The following RANBP2 variants were observed in gnomAD, a reference collection of about 807,000 sequenced individuals.
RANBP2 encodes the protein RAN binding protein 2, also known as E3 SUMO-protein ligase RanBP2.
A neutral mutation model predicts 303.6 loss-of-function variants in RANBP2; 57 were observed. The observed-to-expected ratio is 0.19, with a 90% CI of 0.15 to 0.23. The LOEUF is 0.23. Ranked by LOEUF, RANBP2 falls within the 10% of genes least tolerant of loss-of-function variation. The pLI is 1.00. For synonymous variants in RANBP2, 1,167 were observed against 1,301.5 expected, an observed-to-expected ratio of 0.90 and a Z score of 2.23; for missense variants, 3,138 against 3,780.8, an observed-to-expected ratio of 0.83 and a Z score of 4.46.
chr2:109,249,463 CTT>C, the RANBP2 span, among the ~76,000 whole-genome samples: 1 of 135,478 alleles, frequency 7.4e-6, no homozygotes, highest in South Asian at 2.5e-4. Flanking sequence ...CTCTTTCTCT[CTT>C]TCTCTTTCTT....
At chr2:109,767,316 A>G in the RANBP2 span, among the ~76,000 whole-genome samples, 1 of 149,850 alleles carries the variant, frequency 6.7e-6, no homozygotes, top group African/African-American at 2.4e-5. Flanking sequence ...AGAGGTTGGT[A>G]GCTTTTCTTA....
chr2:109,566,291 T>C, the RANBP2 span, among the ~76,000 whole-genome samples: 1 of 151,958 alleles, frequency 6.6e-6, no homozygotes, highest in African/African-American at 2.4e-5. Context: ...CAGCTAATTT[T>C]TGCATTTTTA....
At chr2:109,641,216 G>A in the RANBP2 span, among the ~76,000 whole-genome samples, 1 of 152,206 alleles carries the variant, frequency 6.6e-6, no homozygotes, top group Non-Finnish European at 1.5e-5. Flanking sequence ...TTGGCTCACT[G>A]CAACCTCTGT....
At chr2:109,112,077 G>A in the RANBP2 span, among the ~76,000 whole-genome samples, 2 of 151,808 alleles carry the variant, frequency 1.3e-5, no homozygotes, top group African/African-American at 2.4e-5. Context: ...ATTGTGAATA[G>A]TGCCGCAATA....
At chr2:108,736,657 C>G (rs1326734811) in intron 6 of RANBP2, among the ~76,000 whole-genome samples, 1 of 152,190 alleles carries the variant, frequency 6.6e-6, no homozygotes, top group Admixed American at 6.5e-5. Context: ...CTTAGCATCA[C>G]TGGTATTTCA....
chr2:109,140,271 A>T, the RANBP2 span, among the ~76,000 whole-genome samples: 1 of 152,202 alleles, frequency 6.6e-6, no homozygotes, highest in Admixed American at 6.5e-5. Flanking sequence ...GATCAGCTGC[A>T]TCCAGCCATG....
the RANBP2 span, among the ~76,000 whole-genome samples, chr2:109,724,648 G>T: frequency 6.6e-6 from 1 of 152,254 alleles, no homozygotes; most frequent in African/African-American, 2.4e-5. Flanking sequence ...CCTGGGTCCT[G>T]CAGTGAGCTG....
the RANBP2 span, among the ~76,000 whole-genome samples, chr2:109,369,767 C>T: frequency 6.6e-6 from 1 of 152,170 alleles, no homozygotes; most frequent in Admixed American, 6.5e-5. Flanking sequence ...TGCCTCAACT[C>T]GGATGGACAC....
intron 9 of RANBP2, among the ~76,000 whole-genome samples, chr2:108,750,113 G>T (rs577958416): frequency 2.7e-4 from 41 of 152,362 alleles, no homozygotes; most frequent in East Asian, 7.7e-4. Context: ...ACTGCTGCAC[G>T]ACAGCCTGGG....
At chr2:109,129,930 C>A in the RANBP2 span, 2 of 1,484,718 alleles carry the variant, frequency 1.3e-6, no homozygotes, top group Non-Finnish European at 8.9e-7. Flanking sequence ...CGGGCACCAG[C>A]CCCGGCGGCA....
At chr2:108,906,765 C>T in the RANBP2 span, among the ~76,000 whole-genome samples, 3,149 of 152,344 alleles carry the variant, frequency 0.021, 104 homozygotes, top group African/African-American at 0.072. Context: ...GCCCACGGTG[C>T]ACAGCTGCTC....
chr2:109,591,235 T>C, the RANBP2 span, among the ~76,000 whole-genome samples: 28 of 152,250 alleles, frequency 1.8e-4, no homozygotes, highest in Non-Finnish European at 1.6e-4. Context: ...AAAGTTGTTA[T>C]CTGATAGGCA....
the RANBP2 span, among the ~76,000 whole-genome samples, chr2:109,360,118 AG>A: frequency 6.6e-6 from 1 of 151,736 alleles, no homozygotes; most frequent in Non-Finnish European, 1.5e-5. Context: ...ACAGCATCAT[AG>A]GTAGAGACTG....
the RANBP2 span, among the ~76,000 whole-genome samples, chr2:109,622,727 C>G: frequency 1.3e-5 from 2 of 152,202 alleles, no homozygotes; most frequent in African/African-American, 4.8e-5. Context: ...AGCCCACTTC[C>G]ACATAATCAT....
the RANBP2 span, among the ~76,000 whole-genome samples, chr2:109,206,207 TG>T: frequency 6.6e-6 from 1 of 152,112 alleles, no homozygotes; most frequent in Non-Finnish European, 1.5e-5. Flanking sequence ...TAGAGGAGGC[TG>T]GGCCGGGCAC....
At chr2:109,015,989 T>C in the RANBP2 span, among the ~76,000 whole-genome samples, 2 of 152,336 alleles carry the variant, frequency 1.3e-5, no homozygotes, top group African/African-American at 4.8e-5. Context: ...ATGAAGTGTG[T>C]ATAGCACACA....
the RANBP2 span, among the ~76,000 whole-genome samples, chr2:109,500,355 C>A: frequency 2.6e-5 from 4 of 152,158 alleles, no homozygotes; most frequent in African/African-American, 9.7e-5. Context: ...CAGAGAGCCC[C>A]TGGGGTGCAC....
chr2:108,812,316 TC>T, the RANBP2 span, among the ~76,000 whole-genome samples: 1 of 152,186 alleles, frequency 6.6e-6, no homozygotes, highest in African/African-American at 2.4e-5. Flanking sequence ...TTTATACTTT[TC>T]TTTATATGTG....
intron 27 of RANBP2, 60 bp from the exon 28 acceptor site, chr2:108,782,464 CAAAA>C (rs1678321855): frequency 1.9e-6 from 3 of 1,613,272 alleles, no homozygotes; most frequent in Non-Finnish European, 2.5e-6. Flanking sequence ...CTATAACAAA[CAAAA>C]CAACTTATAA....
Sources: allele counts gnomAD v4.1 joint callset (sites outside exome capture counted in the v4.1 genomes callset), GRCh38; gene constraint gnomAD v4.1.1; transcripts MANE v1.5; gene names NCBI Gene and HGNC (gene_info 2026-07-23, HGNC 2026-07-21).